STARD3: variants seen among roughly 807,000 people sequenced by gnomAD.
The protein encoded by STARD3 is stAR-related lipid transfer protein 3.
STARD3 carries 39 observed loss-of-function variants against 62.0 expected under a neutral mutation model. The observed-to-expected ratio is 0.63, with a 90% CI of 0.49 to 0.82. The LOEUF is 0.82. STARD3 is among the 40% of genes least tolerant of loss of function. The pLI is 0.00. For synonymous variants in STARD3, 229 were observed against 242.4 expected, an observed-to-expected ratio of 0.94 and a Z score of 0.51; for missense variants, 543 against 584.5, an observed-to-expected ratio of 0.93 and a Z score of 0.73.
chr17:39,649,410 A>G (rs888970529), intron 1 of STARD3, among the ~76,000 whole-genome samples: 4 of 152,230 alleles, frequency 2.6e-5, no homozygotes, highest in Non-Finnish European at 4.4e-5. Context: ...TGAATAAACT[A>G]TGGTTTGTCT....
At chr17:39,656,601 C>T (rs952966069) in intron 2 of STARD3, among the ~76,000 whole-genome samples, 5 of 152,184 alleles carry the variant, frequency 3.3e-5, no homozygotes, top group Non-Finnish European at 5.9e-5. Flanking sequence ...CCCATCAGCC[C>T]AGATGGATTA....
At chr17:39,639,695 A>C (rs2056966186) in intron 1 of STARD3, among the ~76,000 whole-genome samples, 1 of 152,158 alleles carries the variant, frequency 6.6e-6, no homozygotes, top group Non-Finnish European at 1.5e-5. Context: ...GCCAGCAGGG[A>C]CCATGCCTGG....
At chr17:39,647,778 T>A (rs2057041138) in intron 1 of STARD3, among the ~76,000 whole-genome samples, 1 of 152,106 alleles carries the variant, frequency 6.6e-6, no homozygotes, top group Non-Finnish European at 1.5e-5. Flanking sequence ...AGCAGTCTGG[T>A]TTTTATCTGT....
Position 39,653,571 on chromosome 17 carries a change from C to A in STARD3, c.40C>A (p.Arg14Ser), listed in dbSNP as rs765536882. 2 of 1,608,294 alleles carry A rather than the reference C, an allele frequency of 1.2e-6. No homozygotes were observed. The highest frequency in any genetic ancestry group is 1.7e-6 in the Non-Finnish European group (2 of 1,179,980). Reference protein sequence around the residue: ...LPRELTRDLERSLPAVASLGS... With the variant: ...LPRELTRDLESSLPAVASLGS... ...CAGGGAGCTGACCCGAGACTTGGAG[C>A]GCAGCCTGCCTGCCGTGGCCTCCCT... is the stretch of plus-strand genomic sequence containing the variant. The change falls in exon 2 of 15, where the codon CGC becomes AGC. Residue 14 changes from arginine (R) to serine (S), a missense_variant. Physicochemically the swap from Arg to Ser is moderately radical, Grantham distance 110 (BLOSUM62 -1). Transcript: ENST00000336308.
Position 39,637,905 on chromosome 17 carries a change from C to T in STARD3, c.-52+674C>T, listed in dbSNP as rs571612526. Among the ~76,000 whole-genome samples the T allele has an allele frequency of 7.2e-5, 11 of 152,180 alleles. No homozygotes were observed. The South Asian group carries it at 2.1e-3, about 29-fold the overall frequency. On this transcript the variant is annotated intron_variant, in intron 1 of 14. Coordinates refer to ENST00000336308, the MANE Select transcript of STARD3 (RefSeq NM_006804.4). ...GTGGTCTTATTTTCCCCCACGGCTT[C>T]AGCTTTACACCAACTAAATACCCAG...
rs558297016 is a variant in STARD3 at position 39,662,986 on chromosome 17, G to T, written c.*78G>T. 2.1e-6 allele frequency: 3 copies of T among 1,404,526 alleles called. No homozygotes were observed. The highest frequency in any genetic ancestry group is 2.9e-5 in the African/African-American group (2 of 69,676). The allele number at this position is 1,404,526 out of a possible 1,614,324, so 87.0% of individuals were successfully genotyped here. On this transcript the variant is annotated 3_prime_UTR_variant, in exon 15 of 15. Transcript: ENST00000336308. ...GCCAGAAAGGGTGCCAGTTGGGCTC[G>T]CACTGCCCACATGGGACCTGGCCCC...
rs35673246 is a variant in STARD3, at chr17:39,660,449, G to C, written c.877G>C (p.Ala293Pro). ...GTCCCAGACCTTCCTGCCCTGTCCT[G>C]CGGAGCTCGTGTACCAGGAGGTGAT... ...FILKTFLPCP[A>P]ELVYQEVILQ... is the part of the protein sequence containing the mutation. Residue 293 changes from alanine (A) to proline (P), a missense_variant, in exon 11 of 15, where the codon GCG becomes CCG. Coordinates refer to ENST00000336308, the MANE Select transcript of STARD3 (RefSeq NM_006804.4). The surrounding 1 kb of genome is among the most constrained non-coding windows in gnomAD (Gnocchi z 4.8). 3,612 of 1,613,904 alleles carry C rather than the reference G, an allele frequency of 2.2e-3. 64 individuals carry two copies. In the African/African-American group the frequency reaches 0.041, roughly 18 times the overall value.
chr17:39,650,020 C>T (rs1257796421), intron 1 of STARD3, among the ~76,000 whole-genome samples: 1 of 152,014 alleles, frequency 6.6e-6, no homozygotes, highest in Non-Finnish European at 1.5e-5. Context: ...TTGCTTGAGC[C>T]CAGGACTTCA....
rs545553999 is a variant in STARD3, at chr17:39,637,182, G to C, written c.-101G>C. Reference sequence around the variant, plus strand: ...GAGGCGCTACTGAGGCCGCGGAGCCGGACTGCGGTTGGGGCGGGAAGAGCC... The same window carrying C: ...GAGGCGCTACTGAGGCCGCGGAGCCCGACTGCGGTTGGGGCGGGAAGAGCC... On this transcript the variant is annotated 5_prime_UTR_variant, in exon 1 of 15. Coordinates refer to ENST00000336308, the MANE Select transcript of STARD3 (RefSeq NM_006804.4). The C allele has an allele frequency of 4.7e-4, 72 of 152,480 alleles. No individual in the cohort carries two copies. The highest frequency in any genetic ancestry group is 1.7e-3 in the African/African-American group (71 of 41,590). The allele number at this position is 152,480 out of a possible 1,614,324, so 9.4% of individuals were successfully genotyped here.
At chr17:39,653,781 A>C (rs894545081) in intron 2 of STARD3, 31 bp downstream of exon 2, 2 of 1,611,910 alleles carry the variant, frequency 1.2e-6, no homozygotes, top group African/African-American at 2.7e-5. Flanking sequence ...GGCACAGGCC[A>C]TGTTGCAGGC....
chr17:39,647,564 C>G (rs1030168936), intron 1 of STARD3, among the ~76,000 whole-genome samples: 4 of 152,212 alleles, frequency 2.6e-5, no homozygotes, highest in Non-Finnish European at 4.4e-5. Context: ...AGAATGAGCA[C>G]TTTGGGGACT....
chr17:39,647,484 G>T (rs771298171), intron 1 of STARD3, among the ~76,000 whole-genome samples: 14 of 152,168 alleles, frequency 9.2e-5, no homozygotes, highest in Non-Finnish European at 1.3e-4. Flanking sequence ...CATCAGGAGG[G>T]TGGGTGTGGT....
At position 39,664,115 on chromosome 17, in the gene STARD3, A is replaced by C. The variant is rs1403906556; in HGVS notation, c.*1207A>C. ...TAGGTGTGTGACCCTGGGCGAATCTACCTCTCTCAGCTTCTGCTTCCCACT... is the reference window on the plus strand; with the variant it reads ...TAGGTGTGTGACCCTGGGCGAATCTCCCTCTCTCAGCTTCTGCTTCCCACT... On this transcript the variant is annotated 3_prime_UTR_variant, in exon 15 of 15. Coordinates refer to ENST00000336308, the MANE Select transcript of STARD3 (RefSeq NM_006804.4). The C allele has an allele frequency of 6.6e-6, 1 of 151,944 alleles. No individual in the cohort carries two copies. The highest frequency in any genetic ancestry group is 2.4e-5 in the African/African-American group (1 of 41,314). The allele number at this position is 151,944 out of a possible 1,614,324, so 9.4% of individuals were successfully genotyped here.
intron 1 of STARD3, among the ~76,000 whole-genome samples, chr17:39,645,663 G>C (rs1032608813): frequency 1.3e-5 from 2 of 152,056 alleles, no homozygotes; most frequent in African/African-American, 4.8e-5. Context: ...GTAGAGACGA[G>C]GTTTCAGCAT....
intron 1 of STARD3, among the ~76,000 whole-genome samples, chr17:39,643,062 C>G (rs1202640172): frequency 6.6e-6 from 1 of 152,086 alleles, no homozygotes; most frequent in Non-Finnish European, 1.5e-5. Flanking sequence ...ATCCCTGTGG[C>G]TGCTGTGTTG....
rs2057182114 is a variant in STARD3 at position 39,660,339 on chromosome 17, G to A, written c.858+66G>A. On this transcript the variant is annotated intron_variant, in intron 10 of 14. Coordinates refer to ENST00000336308, the MANE Select transcript of STARD3 (RefSeq NM_006804.4). The surrounding 1 kb of genome is among the most constrained non-coding windows in gnomAD (Gnocchi z 4.8). ...CAGGAGGCTCCAGGAAGGTGCCGAG[G>A]GGCCCTCTGGTGGGTGCCCCCCACC... The A allele has an allele frequency of 1.9e-6, 3 of 1,611,926 alleles. No homozygotes were observed. Among genetic ancestry groups the A allele is most frequent in the Non-Finnish European group, 2.5e-6 (3 of 1,178,576 alleles).
chr17:39,643,763 G>A (rs774473879), intron 1 of STARD3, among the ~76,000 whole-genome samples: 10 of 152,276 alleles, frequency 6.6e-5, no homozygotes, highest in Middle Eastern at 3.4e-3. Flanking sequence ...CAGAGCTCAA[G>A]ACTCTCTCTT....
chr17:39,660,656 G>C lies in STARD3; in HGVS notation c.954+130G>C. On this transcript the variant is annotated intron_variant, in intron 11 of 14. Transcript: ENST00000336308. The surrounding 1 kb of genome is among the most constrained non-coding windows in gnomAD (Gnocchi z 4.8). ...GGTGTGATGGTAACAGTGCCTGCTCGGGAGGGTCGGGAGGAGGGCAGGAGG... is the reference window on the plus strand; with the variant it reads ...GGTGTGATGGTAACAGTGCCTGCTCCGGAGGGTCGGGAGGAGGGCAGGAGG... 1 of 1,339,992 alleles carries C rather than the reference G, an allele frequency of 7.5e-7. No homozygotes were observed. Among genetic ancestry groups the C allele is most frequent in the South Asian group, 1.3e-5 (1 of 78,548 alleles). 83.0% of individuals were successfully genotyped at this position (1,339,992 alleles called of 1,614,324 possible). A position where few individuals can be genotyped will look rare whatever the true frequency, so the allele number is the denominator to read the frequency against.
At position 39,659,544 on chromosome 17, in the gene STARD3, G is replaced by C; in HGVS notation, c.786G>C (p.Glu262Asp). The stretch of plus-strand genomic sequence containing the variant: ...CCCAGGAAGAGAACTGGAAGTTTGA[G>C]AAGAATAATGTAAGAAGCCCTCTCC... ...ILAQEENWKFEKNNEYGDTVY... is the reference protein window; with the variant it reads ...ILAQEENWKFDKNNEYGDTVY... The change falls in exon 9 of 15, where the codon GAG (glutamate) becomes GAC (aspartate). Residue 262 changes from glutamate to aspartate, a missense_variant. Transcript: ENST00000336308. 6.2e-7 allele frequency: 1 copy of C among 1,614,122 alleles called. No individual in the cohort carries two copies. Among genetic ancestry groups the C allele is most frequent in the Non-Finnish European group, 8.5e-7 (1 of 1,179,990 alleles).
Sources: gnomAD v4.1 joint callset for allele counts (sites outside exome capture counted in the v4.1 genomes callset) on GRCh38, gnomAD v4.1.1 for gene constraint, Gnocchi (gnomAD v3.1) non-coding constraint, MANE v1.5 for transcripts, NCBI Gene and HGNC (gene_info 2026-07-23, HGNC 2026-07-21) for gene names.